Variants in IMMP2L observed in about 807,000 individuals in gnomAD.
IMMP2L encodes the protein mitochondrial inner membrane protease subunit 2.
A neutral mutation model predicts 19.3 loss-of-function variants in IMMP2L; 18 were observed. That is an observed-to-expected ratio of 0.93 (90% CI 0.64 to 1.38). The LOEUF is 1.38. Among genes scored for constraint, IMMP2L ranks in the 40% most tolerant of loss-of-function variants. The pLI, the probability that IMMP2L is intolerant of heterozygous loss-of-function variation, is 0.00. For synonymous variants in IMMP2L, 76 were observed against 73.0 expected (o/e 1.04, Z -0.21); for missense variants, 233 against 218.2 (o/e 1.07, Z -0.43).
At chr7:110,974,551 A>G (rs1188138739) in intron 3 of IMMP2L, among the ~76,000 whole-genome samples, 1 of 152,166 alleles carries the variant, frequency 6.6e-6, no homozygotes, top group Non-Finnish European at 1.5e-5. Context: ...TTTAAAATAT[A>G]GAGCCCCAAA....
At chr7:110,687,286 T>G (rs975234310) in intron 5 of IMMP2L, among the ~76,000 whole-genome samples, 2 of 152,086 alleles carry the variant, frequency 1.3e-5, no homozygotes, top group African/African-American at 4.8e-5. Flanking sequence ...AAAAAATGAC[T>G]CTCTTCTACC....
rs890904881 is a variant in IMMP2L at position 110,713,019 on chromosome 7, C to T, written c.409-49298G>A. Among the ~76,000 whole-genome samples, 5 of 152,270 alleles carry T rather than the reference C, an allele frequency of 3.3e-5. No individual in the cohort carries two copies. The Middle Eastern group carries it at 0.01, about 311-fold the overall frequency. On this transcript the variant is annotated intron_variant, in intron 5 of 5. Coordinates refer to ENST00000405709, the MANE Select transcript of IMMP2L (RefSeq NM_032549.4). ...TAGACCGGAGCTGTTCCTATTCGGC[C>T]ATCTTCGTATGACTCTTGTAGATAA...
intron 3 of IMMP2L, among the ~76,000 whole-genome samples, chr7:111,325,414 A>G (rs1825202549): frequency 6.6e-6 from 1 of 151,688 alleles, no homozygotes; most frequent in South Asian, 2.1e-4. Flanking sequence ...CAAAATAAAT[A>G]TAATGTTTTA....
chr7:111,427,809 A>G (rs1158520040), intron 3 of IMMP2L, among the ~76,000 whole-genome samples: 2 of 151,856 alleles, frequency 1.3e-5, no homozygotes, highest in African/African-American at 4.9e-5. Flanking sequence ...AAATTTTAAA[A>G]TAGTTACATC....
intron 3 of IMMP2L, among the ~76,000 whole-genome samples, chr7:111,477,973 T>C (rs78229909): frequency 0.02 from 3,085 of 152,236 alleles, 103 homozygotes; most frequent in African/African-American, 0.07. Context: ...GTGCTTTCAT[T>C]GTATTTATTC....
chr7:111,471,567 T>A (rs2132110719), intron 3 of IMMP2L, among the ~76,000 whole-genome samples: 1 of 152,194 alleles, frequency 6.6e-6, no homozygotes, highest in Admixed American at 6.5e-5. Context: ...ATGTAAAATA[T>A]CTCATTAATA....
intron 3 of IMMP2L, chr7:111,124,145 C>T (rs1800996983): frequency 6.2e-7 from 1 of 1,613,960 alleles, no homozygotes; most frequent in Non-Finnish European, 8.5e-7. Flanking sequence ...TACTGGATAA[C>T]ACCTTCTGGT....
At chr7:111,002,769 T>C (rs1386439197) in intron 3 of IMMP2L, among the ~76,000 whole-genome samples, 1 of 152,180 alleles carries the variant, frequency 6.6e-6, no homozygotes, top group Non-Finnish European at 1.5e-5. Flanking sequence ...CTGGAAATCA[T>C]CCTGATGAAC....
intron 3 of IMMP2L, among the ~76,000 whole-genome samples, chr7:111,451,628 G>C (rs1384505719): frequency 6.7e-6 from 1 of 149,996 alleles, no homozygotes; most frequent in African/African-American, 2.5e-5. Context: ...CGAGTTAGGG[G>C]GTGCAGCGCA....
intron 3 of IMMP2L, among the ~76,000 whole-genome samples, chr7:111,208,622 TA>T (rs1810975739): frequency 2.0e-5 from 3 of 152,122 alleles, no homozygotes; most frequent in African/African-American, 7.2e-5. Context: ...GGAAGAGTTA[TA>T]AAACAAATGA....
chr7:110,808,513 A>T (rs1025465786), intron 5 of IMMP2L, among the ~76,000 whole-genome samples: 2 of 152,090 alleles, frequency 1.3e-5, no homozygotes, highest in African/African-American at 4.8e-5. Context: ...TGTATAAAAC[A>T]TATGGCACAA....
At position 111,216,521 on chromosome 7, in the gene IMMP2L, T is replaced by A. The variant is rs540240983; in HGVS notation, c.240-252956A>T. ...TAACACATCCATCACCTCAAATATT[T>A]CCATTGTTTTGTGGAGAGAACATCT... is the stretch of plus-strand genomic sequence containing the variant. On this transcript the variant is annotated intron_variant, in intron 3 of 5. Transcript: ENST00000405709. Among the ~76,000 whole-genome samples, 18 of 152,222 alleles carry A rather than the reference T, an allele frequency of 1.2e-4. No individual in the cohort carries two copies. The South Asian group carries it at 3.3e-3, about 28-fold the overall frequency.
At chr7:111,461,808 T>A (rs939145904) in intron 3 of IMMP2L, among the ~76,000 whole-genome samples, 2 of 152,060 alleles carry the variant, frequency 1.3e-5, no homozygotes, top group African/African-American at 4.8e-5. Flanking sequence ...TTTAACATAA[T>A]GTTTAGTAAA....
At chr7:111,171,300 C>T (rs759373858) in intron 3 of IMMP2L, among the ~76,000 whole-genome samples, 3 of 151,714 alleles carry the variant, frequency 2.0e-5, no homozygotes, top group South Asian at 2.1e-4. Context: ...TCCCATGAGG[C>T]CTCAATATTG....
At chr7:111,014,989 G>A (rs942199820) in intron 3 of IMMP2L, among the ~76,000 whole-genome samples, 8 of 152,154 alleles carry the variant, frequency 5.3e-5, no homozygotes, top group African/African-American at 1.9e-4. Context: ...ATGGAATACA[G>A]TAAGGAGGTT....
At chr7:110,721,623 G>T (rs977657661) in intron 5 of IMMP2L, among the ~76,000 whole-genome samples, 7 of 151,990 alleles carry the variant, frequency 4.6e-5, no homozygotes, top group East Asian at 1.9e-4. Flanking sequence ...ATTATTTAGA[G>T]AACATTTCAG....
chr7:110,702,768 T>G (rs1424737127), intron 5 of IMMP2L, among the ~76,000 whole-genome samples: 1 of 152,154 alleles, frequency 6.6e-6, no homozygotes, highest in African/African-American at 2.4e-5. Context: ...ACCTGTACTC[T>G]TCAACTTTAC....
rs545353817 is a variant in IMMP2L, at chr7:111,213,124, C to T, written c.240-249559G>A. Among the ~76,000 whole-genome samples the T allele has an allele frequency of 1.1e-3, 169 of 152,366 alleles. No individual in the cohort carries two copies. Among genetic ancestry groups the T allele is most frequent in the Non-Finnish European group, 2.0e-3 (135 of 68,036 alleles). On this transcript the variant is annotated intron_variant, in intron 3 of 5. Coordinates refer to ENST00000405709, the MANE Select transcript of IMMP2L (RefSeq NM_032549.4). The surrounding 1 kb of genome is among the most constrained non-coding windows in gnomAD (Gnocchi z 4.8). ...ACACTCTTGGAGGCCAGGAAAGGCCCCCTGTCTCTGCAGGCTCAGAGGTGC... is the reference window on the plus strand; with the variant it reads ...ACACTCTTGGAGGCCAGGAAAGGCCTCCTGTCTCTGCAGGCTCAGAGGTGC...
intron 5 of IMMP2L, among the ~76,000 whole-genome samples, chr7:110,786,967 A>G (rs565479581): frequency 6.6e-6 from 1 of 152,182 alleles, no homozygotes; most frequent in East Asian, 1.9e-4. Context: ...CTTGGGATAC[A>G]TAGCATGATA....
Sources: allele counts gnomAD v4.1 joint callset (sites outside exome capture counted in the v4.1 genomes callset), GRCh38; gene constraint gnomAD v4.1.1; non-coding constraint Gnocchi (gnomAD v3.1); transcripts MANE v1.5; gene names NCBI Gene and HGNC (gene_info 2026-07-23, HGNC 2026-07-21).